Variants in RECQL5 observed in about 807,000 individuals in gnomAD.
The protein encoded by RECQL5 is RecQ like helicase 5, also known as ATP-dependent DNA helicase Q5.
RECQL5 carries 88 observed loss-of-function variants against 103.4 expected under a neutral mutation model. The ratio of observed to expected loss-of-function variants is 0.85; its 90% CI spans 0.72 to 1.02. The LOEUF (loss-of-function observed/expected upper bound fraction) is 1.02, where lower values mean the gene tolerates loss of function less well. Among genes scored for constraint, RECQL5 ranks in the 50% least tolerant of loss-of-function variants. The pLI is 0.00. For missense variants in RECQL5, 1,232 were observed against 1,284.3 expected (o/e 0.96, Z 0.62); for synonymous variants, 552 against 507.9 (o/e 1.09, Z -1.17).
rs1189801996 is a variant in RECQL5 at position 75,636,391 on chromosome 17, G to A, written c.1230-4723C>T. On this transcript the variant is annotated intron_variant, in intron 8 of 19. Coordinates refer to ENST00000317905, the MANE Select transcript of RECQL5 (RefSeq NM_004259.7). The surrounding 1 kb of genome is among the most constrained non-coding windows in gnomAD (Gnocchi z 5.4). ...GAGATAGAAAGACGGGAAAAATATG[G>A]GATCATCAGTAGCCCTCCTGGGCTT... is the stretch of plus-strand genomic sequence containing the variant. Among the ~76,000 whole-genome samples the A allele has an allele frequency of 1.3e-5, 2 of 152,194 alleles. No homozygotes were observed. Among genetic ancestry groups the A allele is most frequent in the African/African-American group, 4.8e-5 (2 of 41,442 alleles).
At chr17:75,638,038 GAGATCCTCACCTCCAC>G (rs1242854866) in intron 8 of RECQL5, 1 of 152,212 alleles carries the variant, frequency 6.6e-6, no homozygotes, top group Non-Finnish European at 1.5e-5. Flanking sequence ...TTTGAAAACT[GAGATCCTCACCTCCAC>G]AGAAACGCAC....
In RECQL5 at chr17:75,662,682, C is replaced by T; in HGVS notation, c.568G>A (p.Ala190Thr). 6.2e-7 allele frequency: 1 copy of T among 1,614,064 alleles called. No homozygotes were observed. Among genetic ancestry groups the T allele is most frequent in the Non-Finnish European group, 8.5e-7 (1 of 1,180,034 alleles). Residue 190 changes from alanine (A) to threonine (T), a missense_variant, in exon 4 of 20, where the codon GCT (alanine) becomes ACT (threonine). Transcript: ENST00000317905. ...TGTGGGGTGGCTGTGGCGGTCAGAG[C>T]CACACAAGGGGCATGTCCCAGGCGG... Reference protein sequence around the residue: ...RSRLGHAPCVALTATATPQVQ... With the variant: ...RSRLGHAPCVTLTATATPQVQ...
In RECQL5 at chr17:75,656,466, G is replaced by GT. The variant is rs987865961; in HGVS notation, c.1149+1831dup. 6.9e-4 allele frequency among the ~76,000 whole-genome samples: 103 copies of GT among 148,892 alleles called. 1 individual carries two copies. The highest frequency in any genetic ancestry group is 1.8e-3 in the African/African-American group (73 of 40,746). On this transcript the variant is annotated intron_variant, in intron 7 of 19. Transcript: ENST00000317905. The stretch of plus-strand genomic sequence containing the variant: ...TATAAGTTTTATTGTTGTAAATTAA[G>GT]TTTTTTTTTTGTTTCTATTTCTAGG...
intron 8 of RECQL5, among the ~76,000 whole-genome samples, chr17:75,642,261 C>G (rs2148296495): frequency 6.6e-6 from 1 of 152,350 alleles, no homozygotes; most frequent in South Asian, 2.1e-4. Flanking sequence ...AGGTGCCTCC[C>G]CGGGGCTTCC....
At chr17:75,645,837 T>C (rs958059676) in intron 8 of RECQL5, among the ~76,000 whole-genome samples, 5 of 152,070 alleles carry the variant, frequency 3.3e-5, no homozygotes, top group African/African-American at 9.7e-5. Flanking sequence ...CAGAGACTGA[T>C]ATAAGTGGTA....
At chr17:75,635,513 G>A (rs1254198998) in intron 8 of RECQL5, among the ~76,000 whole-genome samples, 2 of 152,222 alleles carry the variant, frequency 1.3e-5, no homozygotes, top group Non-Finnish European at 2.9e-5. Context: ...TCCCGCCCTG[G>A]GTGGCTACAG....
Position 75,650,921 on chromosome 17 carries a change from G to A in RECQL5, c.1229+265C>T, listed in dbSNP as rs1056965523. Reference sequence around the variant, plus strand: ...TCCCTTGGAACTGAGTGGCTTGTGGGGCCAGCCATCCCAGAAGAGGGTGGA... The same window carrying A: ...TCCCTTGGAACTGAGTGGCTTGTGGAGCCAGCCATCCCAGAAGAGGGTGGA... On this transcript the variant is annotated intron_variant, in intron 8 of 19. Coordinates refer to ENST00000317905, the MANE Select transcript of RECQL5 (RefSeq NM_004259.7). 4 of 1,442,748 alleles carry A rather than the reference G, an allele frequency of 2.8e-6. No individual in the cohort carries two copies. The African/African-American group carries it at 4.3e-5, about 15-fold the overall frequency. The allele number at this position is 1,442,748 out of a possible 1,614,324, so 89.4% of individuals were successfully genotyped here.
intron 5 of RECQL5, 33 bp from the exon 6 acceptor site, chr17:75,661,099 C>T (rs1228220885): frequency 6.5e-7 from 1 of 1,543,966 alleles, no homozygotes; most frequent in East Asian, 2.2e-5. Context: ...GAAGGGAACT[C>T]ACATTTCCCT....
chr17:75,659,712 T>A (rs560248470), intron 6 of RECQL5, among the ~76,000 whole-genome samples: 1 of 152,304 alleles, frequency 6.6e-6, no homozygotes, highest in African/African-American at 2.4e-5. Context: ...TGTAACGCAC[T>A]ATAAAATTTC....
At chr17:75,657,530 C>T (rs959423470) in intron 7 of RECQL5, among the ~76,000 whole-genome samples, 3 of 152,058 alleles carry the variant, frequency 2.0e-5, no homozygotes, top group African/African-American at 7.2e-5. Flanking sequence ...AGGAGGATTA[C>T]TTGAGCCCAG....
chr17:75,633,867 G>A, intron 8 of RECQL5: 3 of 994,568 alleles, frequency 3.0e-6, no homozygotes, highest in African/African-American at 1.7e-5. Context: ...GAGTCGGGGA[G>A]AGGGAGAGGA....
In RECQL5 at chr17:75,666,451, C is replaced by T; in HGVS notation, c.107G>A (p.Ser36Asn). 6.2e-7 allele frequency: 1 copy of T among 1,614,062 alleles called. No homozygotes were observed. The highest frequency in any genetic ancestry group is 2.2e-5 in the East Asian group (1 of 44,890). The change falls in exon 2 of 20, where the codon AGT (serine) becomes AAT (asparagine). Residue 36 changes from serine to asparagine, a missense_variant. By Grantham distance (46) the Ser-to-Asn change is conservative. Coordinates refer to ENST00000317905, the MANE Select transcript of RECQL5 (RefSeq NM_004259.7). Reference protein sequence around the residue: ...FDSFKTPLQESATMAVVKGNK... With the variant: ...FDSFKTPLQENATMAVVKGNK... ...ACCTTTTACTACAGCCATGGTCGCACTCTCCTGTAAAGGCGTCTTAAAAGA... is the reference window on the plus strand; with the variant it reads ...ACCTTTTACTACAGCCATGGTCGCATTCTCCTGTAAAGGCGTCTTAAAAGA...
At position 75,664,857 on chromosome 17, in the gene RECQL5, G is replaced by A. The variant is rs2059746330; in HGVS notation, c.252+194C>T. On this transcript the variant is annotated intron_variant, in intron 3 of 19. Transcript: ENST00000317905. ...GAAGCCGGGAGGTGGAGGCTGCAGTGAGCCAAGATCGCACCACCGCACTTC... is the reference window on the plus strand; with the variant it reads ...GAAGCCGGGAGGTGGAGGCTGCAGTAAGCCAAGATCGCACCACCGCACTTC... 2.0e-5 allele frequency among the ~76,000 whole-genome samples: 3 copies of A among 146,722 alleles called. No individual in the cohort carries two copies. In the South Asian group the frequency reaches 6.4e-4, roughly 31 times the overall value.
chr17:75,639,380 G>A (rs1434527054), intron 8 of RECQL5: 1 of 152,308 alleles, frequency 6.6e-6, no homozygotes, highest in Non-Finnish European at 1.5e-5. Flanking sequence ...CACAGGAGAG[G>A]CAGAAGGGGA....
intron 1 of RECQL5, 111 bp from the exon 2 acceptor site, chr17:75,666,682 A>G (rs1332307847): frequency 9.5e-7 from 1 of 1,053,812 alleles, no homozygotes; most frequent in Non-Finnish European, 1.4e-6. Flanking sequence ...ACACTTAAAT[A>G]ATGTATTATT....
chr17:75,633,212 C>T (rs550205568), intron 8 of RECQL5, among the ~76,000 whole-genome samples: 7 of 152,382 alleles, frequency 4.6e-5, no homozygotes, highest in African/African-American at 1.2e-4. Flanking sequence ...CTCTGGCATC[C>T]GAGTGGTGTG....
At chr17:75,642,629 T>C (rs1219563747) in intron 8 of RECQL5, among the ~76,000 whole-genome samples, 1 of 152,238 alleles carries the variant, frequency 6.6e-6, no homozygotes, top group Admixed American at 6.5e-5. Context: ...ATGATGACGA[T>C]GATCATGAGG....
chr17:75,634,494 GCT>G (rs2059281980), intron 8 of RECQL5, among the ~76,000 whole-genome samples: 1 of 152,234 alleles, frequency 6.6e-6, no homozygotes, highest in African/African-American at 2.4e-5. Context: ...GTTCATTTCA[GCT>G]CTTTTATTCA....
intron 7 of RECQL5, among the ~76,000 whole-genome samples, chr17:75,653,348 A>ATGGCAGCCAACTTCCTTCC (rs1367329905): frequency 6.6e-6 from 1 of 152,186 alleles, no homozygotes; most frequent in Non-Finnish European, 1.5e-5. Context: ...AACTCTAAAG[A>ATGGCAGCCAACTTCCTTCC]TGGCAGCCAA....
Sources: allele counts gnomAD v4.1 joint callset (sites outside exome capture counted in the v4.1 genomes callset), GRCh38; gene constraint gnomAD v4.1.1; non-coding constraint Gnocchi (gnomAD v3.1); transcripts MANE v1.5; gene names NCBI Gene and HGNC (gene_info 2026-07-23, HGNC 2026-07-21).